The following CAMTA1 variants were observed in gnomAD, a reference collection of about 807,000 sequenced individuals.
CAMTA1 encodes calmodulin-binding transcription activator 1.
CAMTA1 carries 27 observed loss-of-function variants against 170.9 expected under a neutral mutation model. The observed-to-expected ratio is 0.16, with a 90% CI of 0.12 to 0.22. The LOEUF is 0.22. CAMTA1 is among the 10% of genes least tolerant of loss of function. The pLI, the probability that CAMTA1 is intolerant of heterozygous loss-of-function variation, is 1.00. For synonymous variants in CAMTA1, 833 were observed against 891.5 expected (o/e 0.93, Z 1.17); for missense variants, 1,619 against 2,217.2 (o/e 0.73, Z 5.42).
At chr1:7,668,431 ACCCAC>A (rs1319099988) in intron 9 of CAMTA1, among the ~76,000 whole-genome samples, 15 of 123,182 alleles carry the variant, frequency 1.2e-4, no homozygotes, top group African/African-American at 4.6e-4. Context: ...ACACACACAC[ACCCAC>A]CACACACCCC....
At chr1:7,489,197 T>C (rs1364830746) in intron 6 of CAMTA1, among the ~76,000 whole-genome samples, 1 of 152,250 alleles carries the variant, frequency 6.6e-6, no homozygotes, top group Non-Finnish European at 1.5e-5. Flanking sequence ...CCATGATGCC[T>C]GCCGCCCCCT....
At chr1:7,649,615 A>G (rs1276718219) in intron 7 of CAMTA1, among the ~76,000 whole-genome samples, 1 of 152,120 alleles carries the variant, frequency 6.6e-6, no homozygotes, top group Non-Finnish European at 1.5e-5. Flanking sequence ...TGTTTTGCAA[A>G]TGTTGGTTTC....
At chr1:7,436,296 C>G (rs1055881062) in intron 5 of CAMTA1, among the ~76,000 whole-genome samples, 2 of 152,212 alleles carry the variant, frequency 1.3e-5, no homozygotes, top group African/African-American at 4.8e-5. Context: ...AGATGAAGCC[C>G]TGGCTTCCGG....
At chr1:7,539,616 C>T (rs971658446) in intron 6 of CAMTA1, among the ~76,000 whole-genome samples, 1 of 152,228 alleles carries the variant, frequency 6.6e-6, no homozygotes. Context: ...CCTCTGTTTC[C>T]TATGCAAACT....
chr1:7,020,474 C>A (rs1701185715), intron 3 of CAMTA1, among the ~76,000 whole-genome samples: 2 of 152,194 alleles, frequency 1.3e-5, no homozygotes, highest in African/African-American at 4.8e-5. Context: ...TGTGTAAGTA[C>A]ACTATGATGT....
chr1:6,844,508 CAAAAAAAAA>C (rs34365054), intron 3 of CAMTA1, among the ~76,000 whole-genome samples: 3 of 96,542 alleles, frequency 3.1e-5, no homozygotes, highest in African/African-American at 4.0e-5. Flanking sequence ...CATTGCATTA[CAAAAAAAAA>C]AAAAAAAAAA....
At chr1:7,379,960 A>G (rs2087156337) in intron 5 of CAMTA1, among the ~76,000 whole-genome samples, 2 of 152,194 alleles carry the variant, frequency 1.3e-5, no homozygotes, top group Non-Finnish European at 2.9e-5. Flanking sequence ...AGCGGTGGAG[A>G]AAAAGGGCTG....
chr1:6,859,662 T>G (rs532276068), intron 3 of CAMTA1, among the ~76,000 whole-genome samples: 1 of 152,218 alleles, frequency 6.6e-6, no homozygotes, highest in Admixed American at 6.5e-5. Context: ...GGTTGTGCGT[T>G]CCTGTGGTCC....
intron 6 of CAMTA1, among the ~76,000 whole-genome samples, chr1:7,503,171 G>C (rs1008281588): frequency 6.6e-6 from 1 of 152,192 alleles, no homozygotes; most frequent in Non-Finnish European, 1.5e-5. Flanking sequence ...AGAAGCCTTG[G>C]CTTTTACCAA....
chr1:7,283,637 C>T (rs912941186), intron 5 of CAMTA1, among the ~76,000 whole-genome samples: 3 of 152,202 alleles, frequency 2.0e-5, no homozygotes, highest in Admixed American at 6.5e-5. Context: ...TGAAAGGAAG[C>T]ACCATTCATT....
chr1:7,538,230 A>C (rs1185280547), intron 6 of CAMTA1, among the ~76,000 whole-genome samples: 1 of 152,214 alleles, frequency 6.6e-6, no homozygotes, highest in East Asian at 1.9e-4. Context: ...GATGTCATTG[A>C]GTGCAAAGTT....
At chr1:7,131,791 C>G (rs1282053576) in intron 4 of CAMTA1, among the ~76,000 whole-genome samples, 2 of 152,120 alleles carry the variant, frequency 1.3e-5, no homozygotes, top group African/African-American at 2.4e-5. Flanking sequence ...CTTGGTGGCT[C>G]ACGCTTGTAA....
chr1:7,633,407 C>A lies in CAMTA1; in HGVS notation c.511-6993C>A, dbSNP rs890225539. On this transcript the variant is annotated intron_variant, in intron 6 of 22. Coordinates refer to ENST00000303635, the MANE Select transcript of CAMTA1 (RefSeq NM_015215.4). The surrounding 1 kb of genome is among the most constrained non-coding windows in gnomAD (Gnocchi z 4.1). ...GAGGGGCAGAGAGCTCGTGGACCCC[C>A]CCAGATGCCACCCCTCCTGGGCCCC... Among the ~76,000 whole-genome samples the A allele has an allele frequency of 6.6e-6, 1 of 152,120 alleles. No homozygotes were observed. The highest frequency in any genetic ancestry group is 1.5e-5 in the Non-Finnish European group (1 of 68,014).
At chr1:7,137,122 C>T (rs9434481) in intron 4 of CAMTA1, among the ~76,000 whole-genome samples, 31,913 of 152,104 alleles carry the variant, frequency 0.21, 3,716 homozygotes, top group Non-Finnish European at 0.26. Flanking sequence ...TAACCTGCCC[C>T]GGTGCCTGGG....
At chr1:7,569,035 T>C (rs1236926985) in intron 6 of CAMTA1, among the ~76,000 whole-genome samples, 1 of 148,682 alleles carries the variant, frequency 6.7e-6, no homozygotes, top group Admixed American at 6.7e-5. Context: ...ACCATTACCA[T>C]CATCACCACC....
At chr1:7,359,584 C>T (rs1292410720) in intron 5 of CAMTA1, among the ~76,000 whole-genome samples, 1 of 152,216 alleles carries the variant, frequency 6.6e-6, no homozygotes, top group Admixed American at 6.5e-5. Flanking sequence ...TCCTGCTCTC[C>T]TTCTGCAGTT....
chr1:6,881,493 G>C (rs1671566320), intron 3 of CAMTA1, among the ~76,000 whole-genome samples: 1 of 152,172 alleles, frequency 6.6e-6, no homozygotes, highest in Admixed American at 6.5e-5. Flanking sequence ...CGAGAGAGAA[G>C]CCAGGAGAAT....
intron 4 of CAMTA1, among the ~76,000 whole-genome samples, chr1:7,104,131 C>G (rs116593074): frequency 2.4e-5 from 2 of 83,852 alleles, no homozygotes; most frequent in African/African-American, 5.2e-5. Context: ...ACACACATAA[C>G]TACACACGTA....
intron 4 of CAMTA1, among the ~76,000 whole-genome samples, chr1:7,152,056 G>A (rs1399768849): frequency 2.0e-5 from 3 of 152,044 alleles, no homozygotes; most frequent in Non-Finnish European, 4.4e-5. Context: ...AATACTGCCC[G>A]GTTGAGGATC....
Sources: allele counts gnomAD v4.1 joint callset (sites outside exome capture counted in the v4.1 genomes callset), GRCh38; gene constraint gnomAD v4.1.1; non-coding constraint Gnocchi (gnomAD v3.1); transcripts MANE v1.5; gene names NCBI Gene and HGNC (gene_info 2026-07-23, HGNC 2026-07-21).